Variants in GLI3 observed in about 807,000 individuals in gnomAD.
GLI3 encodes the protein GLI family zinc finger 3.
In GLI3, 20 loss-of-function variants were observed where a neutral mutation model predicts 100.8. That is an observed-to-expected ratio of 0.20 (90% CI 0.14 to 0.29). GLI3 has a LOEUF of 0.29. GLI3 is among the 10% of genes least tolerant of loss of function. The pLI is 1.00. For missense variants in GLI3, 2,040 were observed against 2,128.5 expected (o/e 0.96, Z 0.82); for synonymous variants, 938 against 860.5 (o/e 1.09, Z -1.58).
At chr7:41,973,936 T>C (rs557941810) in intron 12 of GLI3, among the ~76,000 whole-genome samples, 1 of 152,326 alleles carries the variant, frequency 6.6e-6, no homozygotes, top group East Asian at 1.9e-4. Context: ...TATAATAAGA[T>C]GAGCACATCA....
chr7:42,203,636 G>A (rs1788091989), intron 2 of GLI3, among the ~76,000 whole-genome samples: 2 of 152,166 alleles, frequency 1.3e-5, no homozygotes, highest in East Asian at 1.9e-4. Flanking sequence ...ATGGACATGG[G>A]TTGATTCTGT....
At position 42,023,460 on chromosome 7, in the gene GLI3, C is replaced by G. The variant is rs1583801037; in HGVS notation, c.1497+8G>C. 1.9e-6 allele frequency: 3 copies of G among 1,614,104 alleles called. No individual in the cohort carries two copies. Among genetic ancestry groups the G allele is most frequent in the African/African-American group, 1.3e-5 (1 of 75,050 alleles). On this transcript the variant is annotated splice_region_variant and intron_variant, in intron 10 of 14. Coordinates refer to ENST00000395925, the MANE Select transcript of GLI3 (RefSeq NM_000168.6). Reference sequence around the variant, plus strand: ...GTAAAGCTCGGTTCCTGAATACCATCCACTTACGTGCACAAGCTGCTCTTG... The same window carrying G: ...GTAAAGCTCGGTTCCTGAATACCATGCACTTACGTGCACAAGCTGCTCTTG...
intron 2 of GLI3, among the ~76,000 whole-genome samples, chr7:42,186,577 G>T (rs530636704): frequency 7.0e-4 from 107 of 152,304 alleles, no homozygotes; most frequent in African/African-American, 2.4e-3. Context: ...CCTGCCTGGG[G>T]ACAACACCCC....
At chr7:42,137,715 T>C (rs987214149) in intron 3 of GLI3, among the ~76,000 whole-genome samples, 5 of 152,100 alleles carry the variant, frequency 3.3e-5, no homozygotes, top group Admixed American at 3.3e-4. Flanking sequence ...AATCCAAAAC[T>C]CTGAGAGCTG....
chr7:42,055,133 A>G (rs935942142), intron 4 of GLI3, among the ~76,000 whole-genome samples: 1 of 150,986 alleles, frequency 6.6e-6, no homozygotes, highest in African/African-American at 2.4e-5. Context: ...ATACACATAT[A>G]TGTTTTTCTT....
At chr7:42,257,284 G>T in intron 1 of GLI3, among the ~76,000 whole-genome samples, 1 of 148,034 alleles carries the variant, frequency 6.8e-6, no homozygotes, top group African/African-American at 2.5e-5. Context: ...CTATTGCACT[G>T]GCTCTCTGGT....
intron 10 of GLI3, among the ~76,000 whole-genome samples, chr7:41,983,659 C>A (rs907758873): frequency 1.3e-5 from 2 of 151,994 alleles, no homozygotes; most frequent in Non-Finnish European, 1.5e-5. Flanking sequence ...GCCAGAGGCC[C>A]GAGAGTCAGA....
At chr7:42,091,061 C>T (rs1785207096) in intron 3 of GLI3, among the ~76,000 whole-genome samples, 1 of 152,224 alleles carries the variant, frequency 6.6e-6, no homozygotes, top group African/African-American at 2.4e-5. Context: ...GGCCTGTGGT[C>T]AGAAGGGCCC....
chr7:42,040,784 C>T (rs540601828), intron 6 of GLI3, among the ~76,000 whole-genome samples: 2 of 152,336 alleles, frequency 1.3e-5, no homozygotes, highest in African/African-American at 4.8e-5. Flanking sequence ...AAAACAACTT[C>T]TACATAATTA....
Position 42,148,272 on chromosome 7 carries a change from C to G in GLI3, c.321G>C (p.Thr107=). ...VAEPSVPYRG[T]VFAMDPRNGY... ...CATTCCTGGGGTCCATGGCAAACAC[C>G]GTCCCGCGGTACGGCACAGAGGGCT... is the stretch of plus-strand genomic sequence containing the variant. Residue 107 remains threonine, a synonymous_variant, in exon 3 of 15, where the codon ACG becomes ACC. Coordinates refer to ENST00000395925, the MANE Select transcript of GLI3 (RefSeq NM_000168.6). The G allele has an allele frequency of 1.9e-6, 3 of 1,612,738 alleles. No individual in the cohort carries two copies. The highest frequency in any genetic ancestry group is 2.5e-6 in the Non-Finnish European group (3 of 1,179,316).
intron 5 of GLI3, among the ~76,000 whole-genome samples, chr7:42,045,916 C>T (rs180868797): frequency 6.6e-6 from 1 of 152,296 alleles, no homozygotes; most frequent in East Asian, 1.9e-4. Flanking sequence ...ACTATGATAT[C>T]TTTCCAGACA....
At chr7:42,021,265 T>C (rs1210349782) in intron 10 of GLI3, among the ~76,000 whole-genome samples, 1 of 152,222 alleles carries the variant, frequency 6.6e-6, no homozygotes, top group East Asian at 1.9e-4. Flanking sequence ...AAAATTAATA[T>C]CATAAAGGTA....
At chr7:42,182,089 T>A (rs550222738) in intron 2 of GLI3, among the ~76,000 whole-genome samples, 50 of 152,168 alleles carry the variant, frequency 3.3e-4, no homozygotes, top group Non-Finnish European at 6.3e-4. Flanking sequence ...AGTCCAGGAA[T>A]CTCTTGGATT....
intron 3 of GLI3, among the ~76,000 whole-genome samples, chr7:42,079,970 G>C (rs1326017104): frequency 6.6e-6 from 1 of 152,156 alleles, no homozygotes; most frequent in African/African-American, 2.4e-5. Context: ...TACGTGTATG[G>C]AGTGAAGACC....
At chr7:42,170,684 G>A (rs1250750458) in intron 2 of GLI3, among the ~76,000 whole-genome samples, 1 of 152,112 alleles carries the variant, frequency 6.6e-6, no homozygotes, top group Non-Finnish European at 1.5e-5. Flanking sequence ...TTACAGGTGT[G>A]AGCCACCACG....
At position 42,076,793 on chromosome 7, in the gene GLI3, G is replaced by A. The variant is rs2081968029; in HGVS notation, c.432C>T (p.Gly144=). 1.2e-6 allele frequency: 2 copies of A among 1,612,056 alleles called. No homozygotes were observed. Among genetic ancestry groups the A allele is most frequent in the Non-Finnish European group, 1.7e-6 (2 of 1,178,102 alleles). The change falls in exon 4 of 15, where the codon GGC becomes GGT. Residue 144 remains glycine (G), a synonymous_variant. Coordinates refer to ENST00000395925, the MANE Select transcript of GLI3 (RefSeq NM_000168.6). Reference sequence around the variant, plus strand: ...TCGGAGATGGATCGTAATGGTAACGGCCCTCATGATGTCTGGCATCAATTG... The same window carrying A: ...TCGGAGATGGATCGTAATGGTAACGACCCTCATGATGTCTGGCATCAATTG... ...PVPIDARHHE[G]RYHYDPSPIP... is the part of the protein sequence containing the mutation.
intron 2 of GLI3, among the ~76,000 whole-genome samples, chr7:42,150,700 G>A (rs977576678): frequency 1.3e-5 from 2 of 152,134 alleles, no homozygotes; most frequent in Non-Finnish European, 2.9e-5. Context: ...TTTAAAACAG[G>A]ATTTCCTTGA....
chr7:42,189,111 G>A (rs1787776453), intron 2 of GLI3, among the ~76,000 whole-genome samples: 1 of 152,128 alleles, frequency 6.6e-6, no homozygotes, highest in Admixed American at 6.6e-5. Flanking sequence ...AGGCATATAA[G>A]AAATGTCTGT....
chr7:42,199,133 AGAAGCAGCAG>A (rs1036407274), intron 2 of GLI3, among the ~76,000 whole-genome samples: 1 of 152,212 alleles, frequency 6.6e-6, no homozygotes, highest in Non-Finnish European at 1.5e-5. Flanking sequence ...TAGACATGCA[AGAAGCAGCAG>A]GGCTTTGAAA....
Sources: gnomAD v4.1 joint callset for allele counts (sites outside exome capture counted in the v4.1 genomes callset) on GRCh38, gnomAD v4.1.1 for gene constraint, MANE v1.5 for transcripts, NCBI Gene and HGNC (gene_info 2026-07-23, HGNC 2026-07-21) for gene names.